Variants in C12orf54 observed in about 807,000 individuals in gnomAD.
The protein encoded by C12orf54 is uncharacterized protein C12orf54.
In C12orf54, 24 loss-of-function variants were observed where a neutral mutation model predicts 26.4. That is an observed-to-expected ratio of 0.91 (90% CI 0.66 to 1.28). C12orf54 has a LOEUF of 1.28. Ranked by LOEUF, C12orf54 falls within the 50% of genes most tolerant of loss-of-function variation. The pLI is 0.00. For missense variants in C12orf54, 154 were observed against 150.9 expected, an observed-to-expected ratio of 1.02 and a Z score of -0.11; for synonymous variants, 54 against 47.0, an observed-to-expected ratio of 1.15 and a Z score of -0.61.
the C12orf54 span, among the ~76,000 whole-genome samples, chr12:48,475,281 ACCAC>A: frequency 1.3e-5 from 2 of 149,360 alleles, no homozygotes; most frequent in Admixed American, 1.4e-4. Flanking sequence ...GGTAGATAAA[ACCAC>A]AAAGATGGGA....
At chr12:48,489,140 C>T (rs1432341159) in intron 5 of C12orf54, 184 bp downstream of exon 5, 8 of 759,364 alleles carry the variant, frequency 1.1e-5, no homozygotes, top group African/African-American at 1.7e-5. Flanking sequence ...CAAGAAGATG[C>T]CTAACAGTTC....
the C12orf54 span, among the ~76,000 whole-genome samples, chr12:48,423,201 G>A: frequency 6.6e-6 from 1 of 152,088 alleles, no homozygotes; most frequent in Non-Finnish European, 1.5e-5. Flanking sequence ...CTTGTAGGGT[G>A]AGGAAGAACT....
intron 1 of C12orf54, 24 bp from the exon 2 acceptor site, chr12:48,483,216 G>A (rs201237582): frequency 5.0e-5 from 63 of 1,255,560 alleles, no homozygotes; most frequent in South Asian, 2.5e-4. Flanking sequence ...TGCCTTCTCC[G>A]CATATTCATT....
At chr12:48,492,387 A>C (rs917589520) in intron 6 of C12orf54, among the ~76,000 whole-genome samples, 2 of 152,136 alleles carry the variant, frequency 1.3e-5, no homozygotes, top group African/African-American at 4.8e-5. Flanking sequence ...AAAGTCAAAA[A>C]GGGCCAAGCT....
At chr12:48,469,426 G>T in the C12orf54 span, among the ~76,000 whole-genome samples, 3 of 152,130 alleles carry the variant, frequency 2.0e-5, no homozygotes, top group Non-Finnish European at 2.9e-5. Flanking sequence ...TCCCGGCCCC[G>T]CAGACAGTCA....
the C12orf54 span, among the ~76,000 whole-genome samples, chr12:48,433,686 A>G: frequency 6.6e-6 from 1 of 152,090 alleles, no homozygotes; most frequent in Non-Finnish European, 1.5e-5. Flanking sequence ...TGACCTTGTG[A>G]TCTGCCCACC....
the C12orf54 span, among the ~76,000 whole-genome samples, chr12:48,457,288 TGGTGGTGG>T: frequency 1.2e-5 from 1 of 82,878 alleles, no homozygotes; most frequent in African/African-American, 2.9e-5. Flanking sequence ...TTGTTGTTGG[TGGTGGTGG>T]TGGTGGTGGT....
At chr12:48,429,622 C>T in the C12orf54 span, among the ~76,000 whole-genome samples, 4 of 151,816 alleles carry the variant, frequency 2.6e-5, no homozygotes, top group African/African-American at 7.3e-5. Context: ...GGTGAAAGGC[C>T]TCTACAAGGA....
the C12orf54 span, among the ~76,000 whole-genome samples, chr12:48,457,287 G>T: frequency 0.39 from 38,477 of 98,316 alleles, 6,863 homozygotes; most frequent in African/African-American, 0.56. Context: ...GTTGTTGTTG[G>T]TGGTGGTGGT....
the C12orf54 span, among the ~76,000 whole-genome samples, chr12:48,448,531 A>G: frequency 6.6e-6 from 1 of 152,230 alleles, no homozygotes; most frequent in East Asian, 1.9e-4. Context: ...AACAAGTAAG[A>G]ATTTGAACAT....
chr12:48,452,723 A>C, the C12orf54 span, among the ~76,000 whole-genome samples: 6 of 152,262 alleles, frequency 3.9e-5, no homozygotes, highest in Admixed American at 3.9e-4. Context: ...AAAAGAAGAC[A>C]TACATGTGAT....
chr12:48,444,715 C>A, the C12orf54 span, among the ~76,000 whole-genome samples: 1 of 152,140 alleles, frequency 6.6e-6, no homozygotes, highest in Non-Finnish European at 1.5e-5. Flanking sequence ...GGAAACAGCT[C>A]TGAGAATGCT....
At chr12:48,485,476 A>G (rs1267652818) in intron 2 of C12orf54, among the ~76,000 whole-genome samples, 1 of 152,140 alleles carries the variant, frequency 6.6e-6, no homozygotes, top group Non-Finnish European at 1.5e-5. Flanking sequence ...GAACTGTACT[A>G]GCAGGAACCC....
intron 4 of C12orf54, chr12:48,487,868 G>A: frequency 1.8e-6 from 1 of 551,636 alleles, no homozygotes; most frequent in South Asian, 2.5e-5. Context: ...ATCCATTCAT[G>A]GCTGGGTAAC....
chr12:48,442,975 AT>A, the C12orf54 span: 1 of 152,000 alleles, frequency 6.6e-6, no homozygotes, highest in African/African-American at 2.4e-5. Context: ...TTGGAATAAG[AT>A]AAATAAATTG....
chr12:48,476,325 A>G, the C12orf54 span, among the ~76,000 whole-genome samples: 1 of 152,224 alleles, frequency 6.6e-6, no homozygotes, highest in African/African-American at 2.4e-5. Context: ...GGCTAGGAAG[A>G]AACTGCATCA....
the C12orf54 span, among the ~76,000 whole-genome samples, chr12:48,432,079 G>T: frequency 2.0e-5 from 3 of 152,080 alleles, no homozygotes; most frequent in Admixed American, 1.3e-4. Flanking sequence ...GTTAAATACT[G>T]GTAAAAGTTA....
At chr12:48,447,637 A>G in the C12orf54 span, among the ~76,000 whole-genome samples, 1 of 152,278 alleles carries the variant, frequency 6.6e-6, no homozygotes, top group Non-Finnish European at 1.5e-5. Flanking sequence ...TAAAGTTAGA[A>G]TATGGTTTCT....
At chr12:48,492,364 C>A (rs1217694936) in intron 6 of C12orf54, among the ~76,000 whole-genome samples, 1 of 152,154 alleles carries the variant, frequency 6.6e-6, no homozygotes, top group Non-Finnish European at 1.5e-5. Flanking sequence ...GGATGCTGAT[C>A]CCTAAGGTTC....
Sources: gnomAD v4.1 joint callset for allele counts (sites outside exome capture counted in the v4.1 genomes callset) on GRCh38, gnomAD v4.1.1 for gene constraint, MANE v1.5 for transcripts, NCBI Gene and HGNC (gene_info 2026-07-23, HGNC 2026-07-21) for gene names.